Variants in SCFD2 observed in about 807,000 individuals in gnomAD.
SCFD2 encodes sec1 family domain-containing protein 2.
A neutral mutation model predicts 58.9 loss-of-function variants in SCFD2; 54 were observed. The ratio of observed to expected loss-of-function variants is 0.92; its 90% CI spans 0.74 to 1.15. The LOEUF is 1.15. SCFD2 is among the 50% of genes most tolerant of loss of function. The pLI, the probability that SCFD2 is intolerant of heterozygous loss-of-function variation, is 0.00. For synonymous variants in SCFD2, 321 were observed against 335.9 expected, an observed-to-expected ratio of 0.96 and a Z score of 0.49; for missense variants, 805 against 836.6, an observed-to-expected ratio of 0.96 and a Z score of 0.47.
chr4:53,331,903 G>T (rs1177628418), intron 2 of SCFD2, among the ~76,000 whole-genome samples: 1 of 150,282 alleles, frequency 6.7e-6, no homozygotes, highest in African/African-American at 2.4e-5. Context: ...AATAAAAAAT[G>T]ATAAAGGGGA....
chr4:53,236,451 G>GATATATATATATATAT lies in SCFD2; in HGVS notation c.1311+37359_1311+37374dup, dbSNP rs146595901. 9.0e-3 allele frequency among the ~76,000 whole-genome samples: 1,295 copies of GATATATATATATATAT among 144,508 alleles called. 11 individuals are homozygous for GATATATATATATATAT. Among genetic ancestry groups the GATATATATATATATAT allele is most frequent in the Middle Eastern group, 0.031 (8 of 258 alleles). The allele number at this position is 144,508 out of a possible 152,430, so 94.8% of individuals were successfully genotyped here. ...GATATATATATCACACATATATAAG[G>GATATATATATATATAT]ATATATATATATATATATCCCATTA... On this transcript the variant is annotated intron_variant, in intron 4 of 8. Coordinates refer to ENST00000401642, the MANE Select transcript of SCFD2 (RefSeq NM_152540.4).
chr4:53,127,869 C>A (rs940615755), intron 5 of SCFD2, among the ~76,000 whole-genome samples: 5 of 151,082 alleles, frequency 3.3e-5, no homozygotes, highest in Non-Finnish European at 7.4e-5. Flanking sequence ...AGAGAGGACA[C>A]GGTGGGTGTA....
intron 4 of SCFD2, among the ~76,000 whole-genome samples, chr4:53,164,890 A>G (rs1190034169): frequency 2.0e-5 from 3 of 152,146 alleles, no homozygotes; most frequent in Admixed American, 2.0e-4. Flanking sequence ...AGAAGACTAG[A>G]AAGAACTAAC....
chr4:53,169,147 G>A (rs1417979815), intron 4 of SCFD2, among the ~76,000 whole-genome samples: 5 of 152,058 alleles, frequency 3.3e-5, no homozygotes, highest in East Asian at 1.9e-4. Context: ...AGGCTGAGGC[G>A]GGCAGATCAC....
At chr4:53,235,442 G>A (rs1390217699) in intron 4 of SCFD2, among the ~76,000 whole-genome samples, 1 of 152,200 alleles carries the variant, frequency 6.6e-6, no homozygotes, top group East Asian at 1.9e-4. Flanking sequence ...TACTACAAAT[G>A]TGAAAATGAA....
At chr4:52,946,154 G>C (rs1350339798) in intron 5 of SCFD2, among the ~76,000 whole-genome samples, 40 of 152,116 alleles carry the variant, frequency 2.6e-4, no homozygotes, top group Non-Finnish European at 1.2e-4. Flanking sequence ...TGAATCTCTT[G>C]GCATGGTACT....
In SCFD2 at chr4:53,072,657, C is replaced by T. The variant is rs1723853941; in HGVS notation, c.1561+72676G>A. 2.0e-5 allele frequency among the ~76,000 whole-genome samples: 3 copies of T among 152,190 alleles called. No individual in the cohort carries two copies. The East Asian group carries it at 5.8e-4, about 29-fold the overall frequency. ...AGTTTTTTGTGCCCTATGCAAATGA[C>T]ACACCTGGTCCAACCAATCTTTTGC... On this transcript the variant is annotated intron_variant, in intron 5 of 8. Transcript: ENST00000401642.
At chr4:53,093,617 AC>A (rs1724534534) in intron 5 of SCFD2, among the ~76,000 whole-genome samples, 1 of 152,198 alleles carries the variant, frequency 6.6e-6, no homozygotes, top group Non-Finnish European at 1.5e-5. Flanking sequence ...GAATACCCAT[AC>A]AACAGAATAC....
intron 5 of SCFD2, among the ~76,000 whole-genome samples, chr4:53,061,301 CT>C (rs2148840399): frequency 6.6e-6 from 1 of 152,260 alleles, no homozygotes; most frequent in East Asian, 1.9e-4. Context: ...GTGCTTTCCA[CT>C]GGCTCTTCTC....
intron 5 of SCFD2, among the ~76,000 whole-genome samples, chr4:52,974,529 C>T (rs1032784749): frequency 2.0e-5 from 3 of 152,254 alleles, no homozygotes; most frequent in African/African-American, 7.2e-5. Context: ...AGGATACAAA[C>T]AAATGGAAGA....
chr4:53,056,712 C>A (rs1723350960), intron 5 of SCFD2, among the ~76,000 whole-genome samples: 1 of 152,064 alleles, frequency 6.6e-6, no homozygotes, highest in Admixed American at 6.6e-5. Context: ...TTTTAGCCAC[C>A]AATAACTTAT....
intron 5 of SCFD2, among the ~76,000 whole-genome samples, chr4:53,144,869 G>T (rs887449833): frequency 2.0e-5 from 3 of 152,100 alleles, no homozygotes. Flanking sequence ...GCCAGGGGTC[G>T]CCAACCCTGG....
In SCFD2 at chr4:53,067,903, G is replaced by A. The variant is rs138256529; in HGVS notation, c.1561+77430C>T. 2.1e-3 allele frequency among the ~76,000 whole-genome samples: 319 copies of A among 152,152 alleles called. 1 individual carries two copies. The highest frequency in any genetic ancestry group is 7.5e-3 in the African/African-American group (311 of 41,538). ...GTCTATGACTAGGCGAGAGATGAAG[G>A]CTGATAGAGTTTGGGGTTCAAGAGG... is the stretch of plus-strand genomic sequence containing the variant. On this transcript the variant is annotated intron_variant, in intron 5 of 8. Coordinates refer to ENST00000401642, the MANE Select transcript of SCFD2 (RefSeq NM_152540.4).
intron 5 of SCFD2, among the ~76,000 whole-genome samples, chr4:52,999,613 T>A (rs931435853): frequency 6.6e-6 from 1 of 152,196 alleles, no homozygotes; most frequent in African/African-American, 2.4e-5. Context: ...GGCAGGGACA[T>A]CAAGGTAAAA....
chr4:53,365,869 C>G lies in SCFD2; in HGVS notation c.73G>C (p.Val25Leu), dbSNP rs374004427. Residue 25 changes from valine (V) to leucine (L), a missense_variant, in exon 1 of 9, where the codon GTG becomes CTG. Around this residue, in one of 3 missense-constraint regions of SCFD2, gnomAD observed 155 missense variants for 149.7 expected, o/e 1.04. Transcript: ENST00000401642. The surrounding 1 kb of genome is among the most constrained non-coding windows in gnomAD (Gnocchi z 4.3). ...EQVLAKVKRA[V>L]VYLDAACAES... is the part of the protein sequence containing the mutation. Reference sequence around the variant, plus strand: ...GCGCAGGCGGCGTCCAGGTAAACCACAGCCCGTTTCACTTTGGCCAGCACC... The same window carrying G: ...GCGCAGGCGGCGTCCAGGTAAACCAGAGCCCGTTTCACTTTGGCCAGCACC... 2 of 1,609,934 alleles carry G rather than the reference C, an allele frequency of 1.2e-6. No individual in the cohort carries two copies. The highest frequency in any genetic ancestry group is 3.3e-5 in the Admixed American group (2 of 59,854).
chr4:53,055,139 C>A (rs1459832904), intron 5 of SCFD2, among the ~76,000 whole-genome samples: 1 of 152,148 alleles, frequency 6.6e-6, no homozygotes, highest in Non-Finnish European at 1.5e-5. Context: ...AGGCAATTTG[C>A]ATTCGTTATT....
At chr4:53,246,273 A>G (rs1380710378) in intron 4 of SCFD2, among the ~76,000 whole-genome samples, 30 of 152,232 alleles carry the variant, frequency 2.0e-4, no homozygotes, top group Admixed American at 1.8e-3. Flanking sequence ...TACTGCCCAA[A>G]GCAATGTACA....
chr4:53,039,472 C>T (rs746661537), intron 5 of SCFD2, among the ~76,000 whole-genome samples: 17 of 152,140 alleles, frequency 1.1e-4, no homozygotes, highest in Non-Finnish European at 2.5e-4. Flanking sequence ...CCTCTGTAAT[C>T]TGACTACAAT....
intron 5 of SCFD2, among the ~76,000 whole-genome samples, chr4:53,046,156 A>G (rs1439219562): frequency 2.0e-5 from 3 of 152,206 alleles, no homozygotes; most frequent in African/African-American, 7.2e-5. Flanking sequence ...TCTTTTCAAA[A>G]CAAATATTCA....
Sources: gnomAD v4.1 joint callset for allele counts (sites outside exome capture counted in the v4.1 genomes callset) on GRCh38, gnomAD v4.1.1 for gene constraint, gnomAD v4.1.1 regional missense constraint, Gnocchi (gnomAD v3.1) non-coding constraint, MANE v1.5 for transcripts, NCBI Gene and HGNC (gene_info 2026-07-23, HGNC 2026-07-21) for gene names.